EFCAB7: variants seen among roughly 807,000 people sequenced by gnomAD.
EFCAB7 encodes EF-hand calcium-binding domain-containing protein 7.
EFCAB7 carries 66 observed loss-of-function variants against 77.1 expected under a neutral mutation model. That is an observed-to-expected ratio of 0.86 (90% confidence interval 0.70 to 1.05). The LOEUF is 1.05. EFCAB7 is among the 50% of genes least tolerant of loss of function. The pLI, the probability that EFCAB7 is intolerant of heterozygous loss-of-function variation, is 0.00. For missense variants in EFCAB7, 638 were observed against 730.5 expected, an observed-to-expected ratio of 0.87 and a Z score of 1.46; for synonymous variants, 225 against 243.3, an observed-to-expected ratio of 0.92 and a Z score of 0.70.
the EFCAB7 span, among the ~76,000 whole-genome samples, chr1:63,578,235 T>C: frequency 6.6e-6 from 1 of 152,194 alleles, no homozygotes; most frequent in Non-Finnish European, 1.5e-5. Flanking sequence ...TTTTTCACTT[T>C]TCCTAGAATG....
At position 63,557,147 on chromosome 1, in the gene EFCAB7, T is replaced by C; in HGVS notation, c.1248T>C (p.Asp416=). Residue 416 remains aspartate, a synonymous_variant, in exon 10 of 14, where the codon GAT becomes GAC. Transcript: ENST00000371088. ...TATCAGATATATTTGAAGTAATTGA[T>C]TTAGATGGAAATGGTCTTCTTAGCC... The part of the protein sequence containing the change: ...STLSDIFEVI[D]LDGNGLLSLE... The C allele has an allele frequency of 6.3e-7, 1 of 1,598,972 alleles. No individual in the cohort carries two copies. The highest frequency in any genetic ancestry group is 8.5e-7 in the Non-Finnish European group (1 of 1,174,790).
At chr1:63,572,392 A>C in intron 13 of EFCAB7, 50 bp from the exon 14 acceptor site, 2 of 1,493,446 alleles carry the variant, frequency 1.3e-6, no homozygotes, top group Non-Finnish European at 9.1e-7. Context: ...AATTAGCCAA[A>C]AGTAACAATA....
At position 63,558,560 on chromosome 1, in the gene EFCAB7, G is replaced by T. The variant is rs557802495; in HGVS notation, c.1348+1313G>T. 3.5e-4 allele frequency among the ~76,000 whole-genome samples: 54 copies of T among 152,234 alleles called. No individual in the cohort carries two copies. The East Asian group carries it at 9.8e-3, about 28-fold the overall frequency. ...TATCAAAAAGTCTCCAAGAGTTATTGACTTGAAAAATGATTTGGAGGAATG... is the reference window on the plus strand; with the variant it reads ...TATCAAAAAGTCTCCAAGAGTTATTTACTTGAAAAATGATTTGGAGGAATG... On this transcript the variant is annotated intron_variant, in intron 10 of 13. Transcript: ENST00000371088.
chr1:63,584,883 GC>G, the EFCAB7 span, among the ~76,000 whole-genome samples: 1 of 152,132 alleles, frequency 6.6e-6, no homozygotes, highest in African/African-American at 2.4e-5. Context: ...GGGGTGGTTG[GC>G]ATTCATAACC....
intron 1 of EFCAB7, among the ~76,000 whole-genome samples, 196 bp from the exon 2 acceptor site, chr1:63,525,376 C>T (rs541678874): frequency 6.6e-6 from 1 of 152,056 alleles, no homozygotes; most frequent in Non-Finnish European, 1.5e-5. Context: ...ATATATAATA[C>T]GTCCATATAC....
At position 63,555,465 on chromosome 1, in the gene EFCAB7, A is replaced by G. The variant is rs372489987; in HGVS notation, c.1164A>G (p.Gln388=). 4 of 1,613,872 alleles carry G rather than the reference A, an allele frequency of 2.5e-6. No individual in the cohort carries two copies. The highest frequency in any genetic ancestry group is 1.3e-5 in the African/African-American group (1 of 74,926). ...TAAAACCAGTAACAGATGAAGCCCA[A>G]CTTGTATATAGAGATGAAACAGGGG... The part of the protein sequence containing the change: ...KKIKPVTDEA[Q]LVYRDETGEL... Residue 388 remains glutamine, a synonymous_variant, in exon 9 of 14, where the codon CAA becomes CAG. Transcript: ENST00000371088.
intron 11 of EFCAB7, among the ~76,000 whole-genome samples, chr1:63,563,951 GTT>G (rs766214650): frequency 6.6e-6 from 1 of 151,996 alleles, no homozygotes; most frequent in Non-Finnish European, 1.5e-5. Context: ...TACATGTTTA[GTT>G]TTGCCCCCCT....
At chr1:63,554,045 A>G (rs1239963199) in intron 8 of EFCAB7, among the ~76,000 whole-genome samples, 1 of 151,946 alleles carries the variant, frequency 6.6e-6, no homozygotes, top group Non-Finnish European at 1.5e-5. Context: ...CTGGTCTCCA[A>G]TTCCTAGCTT....
At chr1:63,523,874 T>C (rs1252847819) in intron 1 of EFCAB7, among the ~76,000 whole-genome samples, 1 of 151,958 alleles carries the variant, frequency 6.6e-6, no homozygotes, top group Non-Finnish European at 1.5e-5. Context: ...GGCTTTCTGT[T>C]TTCACTTGGC....
chr1:63,565,375 AC>A (rs904050858), intron 11 of EFCAB7, among the ~76,000 whole-genome samples: 7 of 151,848 alleles, frequency 4.6e-5, no homozygotes, highest in African/African-American at 1.7e-4. Context: ...AAAAACAACA[AC>A]AACAAAAAAA....
intron 11 of EFCAB7, among the ~76,000 whole-genome samples, chr1:63,567,717 GAC>G (rs1299844076): frequency 6.6e-6 from 1 of 152,200 alleles, no homozygotes; most frequent in Non-Finnish European, 1.5e-5. Context: ...GTTGCATAGA[GAC>G]ACAGGAGACC....
At chr1:63,570,108 C>T (rs780112133) in intron 12 of EFCAB7, 15 of 152,184 alleles carry the variant, frequency 9.9e-5, no homozygotes, top group Non-Finnish European at 1.6e-4. Context: ...GTGCTATTCT[C>T]ATTTTACAAA....
intron 12 of EFCAB7, 183 bp downstream of exon 12, chr1:63,568,702 AT>A (rs67539131): frequency 0.17 from 79,191 of 475,140 alleles, 7,175 homozygotes; most frequent in Middle Eastern, 0.26. Flanking sequence ...TTTTTATATG[AT>A]TTTTAAAGGT....
chr1:63,531,182 C>T (rs772589228), intron 2 of EFCAB7, among the ~76,000 whole-genome samples: 11 of 152,032 alleles, frequency 7.2e-5, no homozygotes, highest in Non-Finnish European at 2.9e-5. Context: ...TTAGATAGTA[C>T]TTAAGTTCCC....
intron 6 of EFCAB7, among the ~76,000 whole-genome samples, chr1:63,538,445 AT>A (rs59521276): frequency 4.0e-5 from 6 of 149,914 alleles, no homozygotes; most frequent in African/African-American, 9.8e-5. Context: ...TTGAAAGGGT[AT>A]TTTTTTTTCT....
chr1:63,554,285 G>A (rs925604249), intron 8 of EFCAB7, among the ~76,000 whole-genome samples: 1 of 152,140 alleles, frequency 6.6e-6, no homozygotes, highest in Non-Finnish European at 1.5e-5. Flanking sequence ...AAACCTTTGG[G>A]CTCCAAAAAG....
intron 2 of EFCAB7, 112 bp downstream of exon 2, chr1:63,525,871 G>A (rs1646580303): frequency 1.4e-6 from 1 of 722,560 alleles, no homozygotes; most frequent in African/African-American, 1.9e-5. Flanking sequence ...TCTTAGTGAA[G>A]CTTGAGCAAT....
rs1646577348 is a variant in EFCAB7, at chr1:63,525,726, GA to G, written c.158del (p.Asn53ThrfsTer10). ...CTTAACTGTCTTCAAAAGCAGCTTG[GA>G]AAACATTATTTCTAAAGATCAACTT... ...AYLTVFKSSLENIISKDQLYL... is the reference protein window; with the variant it reads ...AYLTVFKSSLXNIISKDQLYL... On this transcript the variant is annotated frameshift_variant, in exon 2 of 14. Coordinates refer to ENST00000371088, the MANE Select transcript of EFCAB7 (RefSeq NM_032437.4). LOFTEE classifies it high-confidence loss of function. 1 of 1,571,122 alleles carries G rather than the reference GA, an allele frequency of 6.4e-7. No individual in the cohort carries two copies. The highest frequency in any genetic ancestry group is 1.4e-5 in the African/African-American group (1 of 71,350).
At chr1:63,551,549 C>A (rs1646964696) in intron 7 of EFCAB7, among the ~76,000 whole-genome samples, 176 bp from the exon 8 acceptor site, 1 of 151,734 alleles carries the variant, frequency 6.6e-6, no homozygotes. Flanking sequence ...CAAGATCGCA[C>A]CACTGCATTC....
Sources: gnomAD v4.1 joint callset for allele counts (sites outside exome capture counted in the v4.1 genomes callset) on GRCh38, gnomAD v4.1.1 for gene constraint, MANE v1.5 for transcripts, NCBI Gene and HGNC (gene_info 2026-07-23, HGNC 2026-07-21) for gene names.